The following EXOC1 variants were observed in gnomAD, a reference collection of about 807,000 sequenced individuals.
EXOC1 encodes the protein SEC3-like 1.
In EXOC1, 67 loss-of-function variants were observed where a neutral mutation model predicts 107.7. That is an observed-to-expected ratio of 0.62 (90% CI 0.51 to 0.76). The LOEUF (loss-of-function observed/expected upper bound fraction) is 0.76. Ranked by LOEUF, EXOC1 falls within the 30% of genes least tolerant of loss-of-function variation. EXOC1 has a pLI of 0.00. For synonymous variants in EXOC1, 348 were observed against 353.5 expected (o/e 0.98, Z 0.17); for missense variants, 833 against 1,055.7 (o/e 0.79, Z 2.92).
At position 55,872,393 on chromosome 4, in the gene EXOC1, A is replaced by AGT. The variant is rs1722525145; in HGVS notation, c.1074+435_1074+436insGT. 3.1e-5 allele frequency among the ~76,000 whole-genome samples: 3 copies of AGT among 96,092 alleles called. No homozygotes were observed. In the East Asian group the frequency reaches 1.1e-3, roughly 34 times the overall value. The allele number at this position is 96,092 out of a possible 152,430, so 63.0% of individuals were successfully genotyped here. A position where few individuals can be genotyped will look rare whatever the true frequency, so the allele number is the denominator to read the frequency against. ...ACATAGTATAATTGTTAAGAAAATG[A>AGT]CTAGCTCAACTGCAAATTTCAGTTG... On this transcript the variant is annotated intron_variant, in intron 8 of 18. Coordinates refer to ENST00000381295, the MANE Select transcript of EXOC1 (RefSeq NM_001024924.2).
chr4:55,856,808 A>G (rs1033914810), intron 1 of EXOC1, among the ~76,000 whole-genome samples: 3 of 152,224 alleles, frequency 2.0e-5, no homozygotes, highest in Admixed American at 6.5e-5. Context: ...ACCTATTTTT[A>G]TAACAGTTTT....
At chr4:55,898,567 A>G (rs2109497876) in intron 16 of EXOC1, among the ~76,000 whole-genome samples, 1 of 152,348 alleles carries the variant, frequency 6.6e-6, no homozygotes, top group South Asian at 2.1e-4. Context: ...CAAATCAAGA[A>G]GAAAGTAAAG....
intron 8 of EXOC1, among the ~76,000 whole-genome samples, chr4:55,873,098 C>T (rs1722591171): frequency 6.6e-6 from 1 of 152,022 alleles, no homozygotes; most frequent in African/African-American, 2.4e-5. Flanking sequence ...ATTAATCCTT[C>T]ATTTATTTAG....
intron 4 of EXOC1, among the ~76,000 whole-genome samples, chr4:55,865,706 A>G (rs900490215): frequency 6.6e-6 from 1 of 152,180 alleles, no homozygotes; most frequent in Non-Finnish European, 1.5e-5. Flanking sequence ...ATTTTAAACC[A>G]GTATATTTCA....
At chr4:55,895,102 G>A (rs1308653463) in intron 15 of EXOC1, among the ~76,000 whole-genome samples, 1 of 152,102 alleles carries the variant, frequency 6.6e-6, no homozygotes, top group Non-Finnish European at 1.5e-5. Context: ...GAAGAGGAGG[G>A]TGGTTTCTTC....
chr4:55,891,530 T>C, intron 13 of EXOC1, 108 bp downstream of exon 13: 1 of 756,412 alleles, frequency 1.3e-6, no homozygotes. Context: ...AAAGAATTTA[T>C]CATGTAAGGA....
chr4:55,891,627 T>G (rs1724558649), intron 13 of EXOC1, among the ~76,000 whole-genome samples: 1 of 152,198 alleles, frequency 6.6e-6, no homozygotes, highest in Admixed American at 6.5e-5. Context: ...AGTTTGGGCA[T>G]CTAATTTAAT....
At chr4:55,892,155 A>G (rs576375204) in intron 13 of EXOC1, among the ~76,000 whole-genome samples, 1 of 152,342 alleles carries the variant, frequency 6.6e-6, no homozygotes, top group African/African-American at 2.4e-5. Context: ...GTTCATTGTT[A>G]TGGTAGTAAT....
chr4:55,889,232 G>A (rs754815290), intron 11 of EXOC1, among the ~76,000 whole-genome samples: 65 of 152,138 alleles, frequency 4.3e-4, no homozygotes, highest in African/African-American at 1.3e-3. Flanking sequence ...AGATATGGTC[G>A]GATTTTACAT....
intron 9 of EXOC1, among the ~76,000 whole-genome samples, chr4:55,880,550 A>G (rs1269762902): frequency 1.3e-5 from 2 of 152,212 alleles, no homozygotes; most frequent in Non-Finnish European, 2.9e-5. Context: ...TATTCTGAAT[A>G]ATTAAACATA....
intron 11 of EXOC1, 58 bp from the exon 12 acceptor site, chr4:55,890,165 A>G (rs763148198): frequency 1.9e-5 from 29 of 1,545,334 alleles, no homozygotes; most frequent in South Asian, 7.9e-5. Context: ...TCCCTGCTTT[A>G]TACTTTGGAT....
intron 3 of EXOC1, among the ~76,000 whole-genome samples, chr4:55,862,171 A>C (rs1392291757): frequency 6.6e-6 from 1 of 152,232 alleles, no homozygotes; most frequent in Non-Finnish European, 1.5e-5. Context: ...AGGGTTTTTA[A>C]AACTGCACCT....
At chr4:55,896,610 GAT>G in intron 15 of EXOC1, 105 bp from the exon 16 acceptor site, 1 of 839,424 alleles carries the variant, frequency 1.2e-6, no homozygotes, top group East Asian at 3.1e-5. Context: ...CTGCCTCTAT[GAT>G]ATCTATGTAT....
In EXOC1 at chr4:55,868,454, T is replaced by C. The variant is rs1722145012; in HGVS notation, c.534T>C (p.Cys178=). Residue 178 remains cysteine, a synonymous_variant, in exon 5 of 19, where the codon TGT becomes TGC. Transcript: ENST00000381295. ...ATATCGAAATAATGATGGAAGGCTG[T>C]GAATATGCAATCTCGAATGCGGAAG... is the stretch of plus-strand genomic sequence containing the variant. ...EQDIEIMMEG[C]EYAISNAEAF... 6.2e-7 allele frequency: 1 copy of C among 1,613,806 alleles called. No homozygotes were observed.
chr4:55,892,065 A>G (rs1055681990), intron 13 of EXOC1, among the ~76,000 whole-genome samples: 1 of 152,188 alleles, frequency 6.6e-6, no homozygotes, highest in African/African-American at 2.4e-5. Context: ...ATCATCTCAA[A>G]ATTGTATGCC....
rs1016411881 is a variant in EXOC1, at chr4:55,904,758, A to T, written c.*263A>T. On this transcript the variant is annotated 3_prime_UTR_variant, in exon 19 of 19. Transcript: ENST00000381295. ...GCCTTTAGCATTTCTCAATGACTGG[A>T]TGGGAAATTTTCCTTTATTGCCTAG... is the stretch of plus-strand genomic sequence containing the variant. The T allele has an allele frequency of 7.2e-6, 2 of 279,444 alleles. No homozygotes were observed. Among genetic ancestry groups the T allele is most frequent in the Non-Finnish European group, 1.3e-5 (2 of 152,316 alleles). The allele number at this position is 279,444 out of a possible 1,614,324, so 17.3% of individuals were successfully genotyped here. A position where few individuals can be genotyped will look rare whatever the true frequency, so the allele number is the denominator to read the frequency against.
intron 1 of EXOC1, among the ~76,000 whole-genome samples, chr4:55,854,302 A>T (rs189310323): frequency 6.6e-6 from 1 of 151,906 alleles, no homozygotes; most frequent in African/African-American, 2.4e-5. Flanking sequence ...ACAGGGCCCA[A>T]TGCACACGGG....
intron 4 of EXOC1, among the ~76,000 whole-genome samples, chr4:55,867,320 T>C (rs985490210): frequency 2.0e-5 from 3 of 152,188 alleles, no homozygotes; most frequent in Admixed American, 2.0e-4. Flanking sequence ...TAGTCTTCTT[T>C]TTGTTCTGGG....
chr4:55,902,082 A>G (rs577057620), intron 17 of EXOC1: 7 of 232,300 alleles, frequency 3.0e-5, no homozygotes, highest in African/African-American at 1.6e-4. Flanking sequence ...TATATTTAGG[A>G]AAAAACAATA....
Sources: allele counts gnomAD v4.1 joint callset (sites outside exome capture counted in the v4.1 genomes callset), GRCh38; gene constraint gnomAD v4.1.1; transcripts MANE v1.5; gene names NCBI Gene and HGNC (gene_info 2026-07-23, HGNC 2026-07-21).